The following GNA11 variants were observed in gnomAD, a reference collection of about 807,000 sequenced individuals.
The protein encoded by GNA11 is guanine nucleotide-binding protein subunit alpha-11.
A neutral mutation model predicts 38.2 loss-of-function variants in GNA11; 8 were observed. That is an observed-to-expected ratio of 0.21 (90% confidence interval 0.12 to 0.38). The LOEUF (loss-of-function observed/expected upper bound fraction) is 0.38, where lower values mean the gene tolerates loss of function less well. GNA11 is among the 10% of genes least tolerant of loss of function. The pLI, the probability that GNA11 is intolerant of heterozygous loss-of-function variation, is 1.00. For missense variants in GNA11, 268 were observed against 516.3 expected (o/e 0.52, Z 4.66); for synonymous variants, 211 against 221.4 (o/e 0.95, Z 0.42).
intron 3 of GNA11, among the ~76,000 whole-genome samples, chr19:3,114,389 G>A (rs1288887846): frequency 2.0e-5 from 3 of 152,200 alleles, no homozygotes; most frequent in Non-Finnish European, 4.4e-5. Flanking sequence ...CAAGGAAGCC[G>A]GAATCAAGCG....
intron 1 of GNA11, among the ~76,000 whole-genome samples, chr19:3,096,651 G>T (rs376790798): frequency 2.5e-4 from 38 of 152,266 alleles, no homozygotes; most frequent in Non-Finnish European, 4.4e-4. Context: ...CCTCTGTCCA[G>T]TGCCCGCCTG....
chr19:3,107,503 G>T (rs567574407), intron 1 of GNA11, among the ~76,000 whole-genome samples: 2 of 152,248 alleles, frequency 1.3e-5, no homozygotes, highest in Admixed American at 6.5e-5. Context: ...CTGTGCTGGG[G>T]TGCAGGCTTG....
rs761613394 is a variant in GNA11, at chr19:3,096,185, GGTTA to G, written c.136+1399_136+1402del. On this transcript the variant is annotated intron_variant, in intron 1 of 6. Transcript: ENST00000078429. The stretch of plus-strand genomic sequence containing the variant: ...GCCTCTTAGGGCCCTCCGTGTCCCG[GGTTA>G]CAGAGGTGCCTTGGATGAAACGCCT... Among the ~76,000 whole-genome samples the G allele has an allele frequency of 2.2e-3, 330 of 152,294 alleles. 1 individual carries two copies. In the Middle Eastern group the frequency reaches 0.024, roughly 11 times the overall value.
intron 1 of GNA11, among the ~76,000 whole-genome samples, chr19:3,106,724 G>A (rs963062649): frequency 1.1e-4 from 17 of 152,190 alleles, no homozygotes; most frequent in South Asian, 1.0e-3. Flanking sequence ...CACCATGCAC[G>A]TGTGTGCTGA....
At position 3,120,345 on chromosome 19, in the gene GNA11, G is replaced by T. The variant is rs11670197; in HGVS notation, c.890-644G>T. Among the ~76,000 whole-genome samples, 10 of 152,010 alleles carry T rather than the reference G, an allele frequency of 6.6e-5. No homozygotes were observed. The highest frequency in any genetic ancestry group is 6.2e-4 in the South Asian group (3 of 4,828). ...TCCTGTGGGCTCAGAGAGCCCTGGTGGGGGGAGGCCAAGGGACTGGGGCAT... is the reference window on the plus strand; with the variant it reads ...TCCTGTGGGCTCAGAGAGCCCTGGTTGGGGGAGGCCAAGGGACTGGGGCAT... On this transcript the variant is annotated intron_variant, in intron 6 of 6. Transcript: ENST00000078429. This position sits in a 1 kb window ranked among gnomAD's most constrained non-coding sequence, Gnocchi z 5.9.
In GNA11 at chr19:3,119,362, G is replaced by A; in HGVS notation, c.889+3G>A. 1 of 1,608,460 alleles carries A rather than the reference G, an allele frequency of 6.2e-7. No individual in the cohort carries two copies. The highest frequency in any genetic ancestry group is 1.1e-5 in the South Asian group (1 of 89,280). On this transcript the variant is annotated splice_donor_region_variant and intron_variant, in intron 6 of 6. Transcript: ENST00000078429. The surrounding 1 kb of genome is among the most constrained non-coding windows in gnomAD (Gnocchi z 4.6). ...GGACTACTTCCCCGAGTTCGATGGT[G>A]CGCCGGGCTGCGGCATGGGGAGGGG...
At chr19:3,096,122 C>T (rs1478708652) in intron 1 of GNA11, among the ~76,000 whole-genome samples, 1 of 152,140 alleles carries the variant, frequency 6.6e-6, no homozygotes, top group Non-Finnish European at 1.5e-5. Context: ...AGGCAGGTCG[C>T]ATGTTGTGTG....
rs115967562 is a variant in GNA11 at position 3,122,147 on chromosome 19, A to G, written c.*968A>G. 6,463 of 233,126 alleles carry G rather than the reference A, an allele frequency of 0.028. 383 individuals carry two copies. The highest frequency in any genetic ancestry group is 0.13 in the African/African-American group (5,981 of 45,376). The allele number at this position is 233,126 out of a possible 1,614,324, so 14.4% of individuals were successfully genotyped here. ...TGACACTGGGAGAAAGGCCACTTGG[A>G]TGGGGGCGTTTCTGTTTTGTTCCGC... On this transcript the variant is annotated 3_prime_UTR_variant, in exon 7 of 7. Transcript: ENST00000078429. This position sits in a 1 kb window ranked among gnomAD's most constrained non-coding sequence, Gnocchi z 7.7.
At chr19:3,106,226 G>A (rs966609644) in intron 1 of GNA11, among the ~76,000 whole-genome samples, 19 of 152,118 alleles carry the variant, frequency 1.2e-4, no homozygotes, top group Non-Finnish European at 2.1e-4. Context: ...AGCCCCAGCC[G>A]CGGGGTGTGA....
At chr19:3,112,129 C>T (rs1444848840) in intron 2 of GNA11, among the ~76,000 whole-genome samples, 1 of 152,220 alleles carries the variant, frequency 6.6e-6, no homozygotes, top group East Asian at 1.9e-4. Context: ...TCCGTGTGGT[C>T]GGGAAGGCTG....
chr19:3,103,004 G>A lies in GNA11; in HGVS notation c.137-7145G>A, dbSNP rs1171312636. On this transcript the variant is annotated intron_variant, in intron 1 of 6. Coordinates refer to ENST00000078429, the MANE Select transcript of GNA11 (RefSeq NM_002067.5). ...TGCTCCCGGTGTGTGCACTGGCCTGGCCTCCCCGCAGCCTGGTGGGGGCTT... is the reference window on the plus strand; with the variant it reads ...TGCTCCCGGTGTGTGCACTGGCCTGACCTCCCCGCAGCCTGGTGGGGGCTT... Among the ~76,000 whole-genome samples, 5 of 152,150 alleles carry A rather than the reference G, an allele frequency of 3.3e-5. No homozygotes were observed. The East Asian group carries it at 9.6e-4, about 29-fold the overall frequency.
Position 3,119,201 on chromosome 19 carries a change from G to A in GNA11, c.736-5G>A, listed in dbSNP as rs770720811. The stretch of plus-strand genomic sequence containing the variant: ...TCTGATTCCCTCTGCCTTCGCTCCC[G>A]CCAGAACCGGATGGAGGAGAGCAAA... On this transcript the variant is annotated splice_region_variant and splice_polypyrimidine_tract_variant and intron_variant, in intron 5 of 6. Coordinates refer to ENST00000078429, the MANE Select transcript of GNA11 (RefSeq NM_002067.5). The surrounding 1 kb of genome is among the most constrained non-coding windows in gnomAD (Gnocchi z 4.6). 29 of 1,612,116 alleles carry A rather than the reference G, an allele frequency of 1.8e-5. No individual in the cohort carries two copies. In the African/African-American group the frequency reaches 1.9e-4, roughly 11 times the overall value.
chr19:3,105,652 G>T (rs960888745), intron 1 of GNA11, among the ~76,000 whole-genome samples: 1 of 152,134 alleles, frequency 6.6e-6, no homozygotes, highest in Admixed American at 6.5e-5. Context: ...GAATTTGGGG[G>T]GATCACAGAC....
Position 3,094,786 on chromosome 19 carries a change from C to A in GNA11, c.135C>A (p.Leu45=). 6.3e-7 allele frequency: 1 copy of A among 1,577,328 alleles called. No homozygotes were observed. The highest frequency in any genetic ancestry group is 8.6e-7 in the Non-Finnish European group (1 of 1,164,166). The change falls in exon 1 of 7, where the codon CTC becomes CTA. Residue 45 remains leucine (L), a splice_region_variant and synonymous_variant. Transcript: ENST00000078429. The surrounding 1 kb of genome is among the most constrained non-coding windows in gnomAD (Gnocchi z 6.0). ...DARRELKLLL[L]GTGESGKSTF... ...GGCGCGAGCTCAAGCTGCTGCTGCT[C>A]GGTGAGTGCGGCCCCCGGGCCTGCC...
Position 3,123,584 on chromosome 19 carries a change from T to TA in GNA11, c.*2406dup, listed in dbSNP as rs1914143511. On this transcript the variant is annotated 3_prime_UTR_variant, in exon 7 of 7. Transcript: ENST00000078429. ...TGCCGACCACCTTCTCCGACCATGTTACGCCCGGGCGGCAGCAGCCCCCGG... is the reference window on the plus strand; with the variant it reads ...TGCCGACCACCTTCTCCGACCATGTTAACGCCCGGGCGGCAGCAGCCCCCGG... 1 of 232,910 alleles carries TA rather than the reference T, an allele frequency of 4.3e-6. No individual in the cohort carries two copies. The highest frequency in any genetic ancestry group is 5.6e-5 in the Admixed American group (1 of 17,778). The allele number at this position is 232,910 out of a possible 1,614,324, so 14.4% of individuals were successfully genotyped here.
In GNA11 at chr19:3,094,936, T is replaced by G. The variant is rs1364672798; in HGVS notation, c.136+149T>G. On this transcript the variant is annotated intron_variant, in intron 1 of 6. Coordinates refer to ENST00000078429, the MANE Select transcript of GNA11 (RefSeq NM_002067.5). This position sits in a 1 kb window ranked among gnomAD's most constrained non-coding sequence, Gnocchi z 6.0. ...CTCCGGGGTCAGCCCTGCCTGTGCC[T>G]TCCCTGCCTGTCCGGGTCGCGGGAC... is the stretch of plus-strand genomic sequence containing the variant. The G allele has an allele frequency of 1.7e-5, 8 of 483,124 alleles. No individual in the cohort carries two copies. The Admixed American group carries it at 3.3e-4, about 20-fold the overall frequency. The allele number at this position is 483,124 out of a possible 1,614,324, so 29.9% of individuals were successfully genotyped here. A position where few individuals can be genotyped will look rare whatever the true frequency, so the allele number is the denominator to read the frequency against.
At chr19:3,112,369 G>A (rs8103267) in intron 2 of GNA11, among the ~76,000 whole-genome samples, 9,010 of 152,238 alleles carry the variant, frequency 0.059, 620 homozygotes, top group African/African-American at 0.17. Flanking sequence ...CCACTCTGGG[G>A]GGCCTGGGAG....
intron 1 of GNA11, among the ~76,000 whole-genome samples, chr19:3,102,783 C>T (rs1174119243): frequency 6.6e-6 from 1 of 152,252 alleles, no homozygotes; most frequent in African/African-American, 2.4e-5. Context: ...CGGGCCCCTG[C>T]GTCAGGTTGG....
Position 3,108,511 on chromosome 19 carries a change from G to A in GNA11, c.137-1638G>A, listed in dbSNP as rs1205813316. Among the ~76,000 whole-genome samples the A allele has an allele frequency of 6.6e-6, 1 of 151,892 alleles. No homozygotes were observed. The highest frequency in any genetic ancestry group is 1.5e-5 in the Non-Finnish European group (1 of 67,990). ...CCGGAAGATTCAGAGACACAGGGTG[G>A]TGAAGGCGAGCCTGGAGAAGTGGGC... is the stretch of plus-strand genomic sequence containing the variant. On this transcript the variant is annotated intron_variant, in intron 1 of 6. Coordinates refer to ENST00000078429, the MANE Select transcript of GNA11 (RefSeq NM_002067.5). This position sits in a 1 kb window ranked among gnomAD's most constrained non-coding sequence, Gnocchi z 4.5.
Sources: allele counts gnomAD v4.1 joint callset (sites outside exome capture counted in the v4.1 genomes callset), GRCh38; gene constraint gnomAD v4.1.1; non-coding constraint Gnocchi (gnomAD v3.1); transcripts MANE v1.5; gene names NCBI Gene and HGNC (gene_info 2026-07-23, HGNC 2026-07-21).